The following CCT6B variants were observed in gnomAD, a reference collection of about 807,000 sequenced individuals.
CCT6B encodes chaperonin containing TCP1 subunit 6B.
CCT6B carries 49 observed loss-of-function variants against 61.5 expected under a neutral mutation model. The ratio of observed to expected loss-of-function variants is 0.80; its 90% CI spans 0.63 to 1.01. The LOEUF is 1.01. Ranked by LOEUF, CCT6B falls within the 50% of genes least tolerant of loss-of-function variation. The probability of loss-of-function intolerance (pLI) is 0.00; values close to 1 mark genes in which losing one functional copy is unlikely to be tolerated. For missense variants in CCT6B, 666 were observed against 634.7 expected, an observed-to-expected ratio of 1.05 and a Z score of -0.53; for synonymous variants, 228 against 214.5, an observed-to-expected ratio of 1.06 and a Z score of -0.55.
At position 34,939,338 on chromosome 17, in the gene CCT6B, G is replaced by A. The variant is rs1378465854; in HGVS notation, c.1066-8C>T. 1.2e-6 allele frequency: 2 copies of A among 1,603,142 alleles called. No individual in the cohort carries two copies. Among genetic ancestry groups the A allele is most frequent in the African/African-American group, 1.3e-5 (1 of 74,468 alleles). On this transcript the variant is annotated splice_polypyrimidine_tract_variant and splice_region_variant and intron_variant, in intron 9 of 13. Transcript: ENST00000314144. ...AGTGAACTTTTCTTCACCCTAAAGG[G>A]TGGCACAAAAATATATAACTTTAAT...
At position 34,961,377 on chromosome 17, in the gene CCT6B, G is replaced by A; in HGVS notation, c.17C>T (p.Ala6Val). 2 of 1,609,578 alleles carry A rather than the reference G, an allele frequency of 1.2e-6. No homozygotes were observed. Among genetic ancestry groups the A allele is most frequent in the Non-Finnish European group, 1.7e-6 (2 of 1,179,246 alleles). ...CGCCACCTCAGCCTTGGAGTTGACGGCCTTTATCGCAGCCATAGCCTAACC... is the reference window on the plus strand; with the variant it reads ...CGCCACCTCAGCCTTGGAGTTGACGACCTTTATCGCAGCCATAGCCTAACC... Reference protein sequence around the residue: MAAIKAVNSKAEVARA... With the variant: MAAIKVVNSKAEVARA... The change falls in exon 1 of 14, where the codon GCC (alanine) becomes GTC (valine). Residue 6 changes from alanine (A) to valine (V), a missense_variant. Coordinates refer to ENST00000314144, the MANE Select transcript of CCT6B (RefSeq NM_006584.4).
intron 3 of CCT6B, among the ~76,000 whole-genome samples, chr17:34,955,800 GTATTAT>G (rs1038082277): frequency 6.6e-6 from 1 of 151,896 alleles, no homozygotes; most frequent in Non-Finnish European, 1.5e-5. Flanking sequence ...CATGAAGTGG[GTATTAT>G]TATTATTATT....
intron 3 of CCT6B, among the ~76,000 whole-genome samples, chr17:34,957,393 C>G (rs1326091074): frequency 1.3e-5 from 2 of 152,130 alleles, no homozygotes; most frequent in African/African-American, 4.8e-5. Flanking sequence ...ATCCACCTGC[C>G]TCGGCCTCCC....
chr17:34,938,782 A>G (rs1015482857), intron 10 of CCT6B, among the ~76,000 whole-genome samples: 2 of 152,126 alleles, frequency 1.3e-5, no homozygotes, highest in Admixed American at 6.5e-5. Flanking sequence ...AATAAAAATA[A>G]AATTTAAAAA....
intron 5 of CCT6B, among the ~76,000 whole-genome samples, chr17:34,946,107 GC>G (rs1369296064): frequency 2.6e-5 from 4 of 152,178 alleles, no homozygotes; most frequent in Non-Finnish European, 5.9e-5. Context: ...GAAATAATCA[GC>G]CCTCACATGG....
intron 11 of CCT6B, among the ~76,000 whole-genome samples, chr17:34,931,891 T>C (rs1234664197): frequency 1.3e-5 from 2 of 152,192 alleles, no homozygotes; most frequent in South Asian, 2.1e-4. Flanking sequence ...GGAAAAATTC[T>C]GTTTTCTCTT....
chr17:34,934,133 A>AG (rs1245031564), intron 10 of CCT6B, among the ~76,000 whole-genome samples: 1 of 150,618 alleles, frequency 6.6e-6, no homozygotes, highest in Non-Finnish European at 1.5e-5. Flanking sequence ...TGTTTCAAAA[A>AG]GAAAAAAAAA....
intron 13 of CCT6B, 111 bp downstream of exon 13, chr17:34,928,851 C>T (rs1371873734): frequency 5.0e-6 from 3 of 595,296 alleles, no homozygotes; most frequent in South Asian, 5.3e-5. Context: ...ACCTTTCATA[C>T]ACTTGACAAT....
At chr17:34,928,156 C>T (rs2089990485) in intron 13 of CCT6B, 39 bp from the exon 14 acceptor site, 5 of 1,386,656 alleles carry the variant, frequency 3.6e-6, no homozygotes, top group African/African-American at 2.9e-5. Flanking sequence ...AGCCTACTAA[C>T]CCACTCTTAG....
chr17:34,940,150 C>T (rs902841176), intron 8 of CCT6B, among the ~76,000 whole-genome samples: 1 of 152,064 alleles, frequency 6.6e-6, no homozygotes, highest in Non-Finnish European at 1.5e-5. Flanking sequence ...ATTTTGTATC[C>T]TTTGACCCAC....
chr17:34,954,472 G>GA lies in CCT6B; in HGVS notation c.463dup (p.Ser155PhefsTer5). 6.2e-7 allele frequency: 1 copy of GA among 1,612,716 alleles called. No individual in the cohort carries two copies. The highest frequency in any genetic ancestry group is 8.5e-7 in the Non-Finnish European group (1 of 1,179,452). ...TTCAGCATGAACTTTAGTTTGTAAT[G>GA]ATGTTCTAGCTACATCTAAGAGGAT... On this transcript the variant is annotated frameshift_variant, in exon 4 of 14. Coordinates refer to ENST00000314144, the MANE Select transcript of CCT6B (RefSeq NM_006584.4). LOFTEE classifies it high-confidence loss of function.
intron 11 of CCT6B, among the ~76,000 whole-genome samples, 162 bp downstream of exon 11, chr17:34,932,205 A>G (rs1447680398): frequency 6.6e-6 from 1 of 152,220 alleles, no homozygotes; most frequent in African/African-American, 2.4e-5. Context: ...TGTTATCGCA[A>G]AAGTTTCCCT....
At chr17:34,949,107 A>AAAAGAAAAGG (rs71147452) in intron 5 of CCT6B, among the ~76,000 whole-genome samples, 2 of 72,086 alleles carry the variant, frequency 2.8e-5, no homozygotes, top group Non-Finnish European at 6.4e-5. Flanking sequence ...AAAAGAAAAG[A>AAAAGAAAAGG]GAAAAGAAAA....
intron 7 of CCT6B, among the ~76,000 whole-genome samples, 189 bp from the exon 8 acceptor site, chr17:34,940,810 T>C (rs1231561203): frequency 6.6e-6 from 1 of 152,090 alleles, no homozygotes; most frequent in East Asian, 1.9e-4. Flanking sequence ...ATTAATTCAT[T>C]TAAATAATAA....
At chr17:34,949,467 A>C (rs892814107) in intron 5 of CCT6B, 2 of 151,188 alleles carry the variant, frequency 1.3e-5, no homozygotes, top group Admixed American at 1.3e-4. Context: ...TCTCAAAAAA[A>C]AAAAAAGAAA....
Position 34,954,680 on chromosome 17 carries a change from C to A in CCT6B, c.337-81G>T. ...AACCAACCTGTCTGATTATTATGTT[C>A]AAAAAAAGTTACTCACATTAATGCC... On this transcript the variant is annotated intron_variant, in intron 3 of 13. Coordinates refer to ENST00000314144, the MANE Select transcript of CCT6B (RefSeq NM_006584.4). 5 of 1,163,754 alleles carry A rather than the reference C, an allele frequency of 4.3e-6. No individual in the cohort carries two copies. The South Asian group carries it at 6.0e-5, about 14-fold the overall frequency. The allele number at this position is 1,163,754 out of a possible 1,614,324, so 72.1% of individuals were successfully genotyped here. A position where few individuals can be genotyped will look rare whatever the true frequency, so the allele number is the denominator to read the frequency against.
intron 2 of CCT6B, 149 bp downstream of exon 2, chr17:34,959,437 AT>A (rs1320058028): frequency 3.6e-6 from 2 of 556,144 alleles, no homozygotes; most frequent in African/African-American, 1.9e-5. Flanking sequence ...GGCCAAAAAA[AT>A]TTTTTTATTG....
chr17:34,938,656 A>G (rs926311674), intron 10 of CCT6B, among the ~76,000 whole-genome samples: 1 of 152,226 alleles, frequency 6.6e-6, no homozygotes, highest in African/African-American at 2.4e-5. Context: ...CCTTGAGCCC[A>G]GGAGTTCAGG....
At chr17:34,939,767 T>C in intron 8 of CCT6B, 54 bp from the exon 9 acceptor site, 1 of 1,089,584 alleles carries the variant, frequency 9.2e-7, no homozygotes, top group Admixed American at 1.7e-5. Context: ...TTAATACTAA[T>C]TTCTCAGAGA....
Sources: allele counts gnomAD v4.1 joint callset (sites outside exome capture counted in the v4.1 genomes callset), GRCh38; gene constraint gnomAD v4.1.1; transcripts MANE v1.5; gene names NCBI Gene and HGNC (gene_info 2026-07-23, HGNC 2026-07-21).